The following P2RX1 variants were observed in gnomAD, a reference collection of about 807,000 sequenced individuals.
P2RX1 encodes purinergic receptor P2X 1, also known as P2X purinoceptor 1.
In P2RX1, 42 loss-of-function variants were observed where a neutral mutation model predicts 50.3. The observed-to-expected ratio is 0.83, with a 90% CI of 0.65 to 1.08. P2RX1 has a LOEUF of 1.08. Ranked by LOEUF, P2RX1 falls within the 50% of genes least tolerant of loss-of-function variation. P2RX1 has a pLI of 0.00. For synonymous variants in P2RX1, 199 were observed against 202.6 expected (o/e 0.98, Z 0.15); for missense variants, 449 against 529.0 (o/e 0.85, Z 1.48).
chr17:3,908,767 G>A (rs2056311961), intron 1 of P2RX1, among the ~76,000 whole-genome samples: 2 of 152,102 alleles, frequency 1.3e-5, no homozygotes. Flanking sequence ...CCCCATCCTG[G>A]GGCTCTCCAA....
chr17:3,910,346 T>G (rs1390470874), intron 1 of P2RX1, among the ~76,000 whole-genome samples: 1 of 152,170 alleles, frequency 6.6e-6, no homozygotes, highest in Non-Finnish European at 1.5e-5. Flanking sequence ...CCTGAACTCT[T>G]CATCTCCCTT....
Position 3,903,884 on chromosome 17 carries a change from G to T in P2RX1, c.524+44C>A. 1.3e-6 allele frequency: 2 copies of T among 1,506,796 alleles called. No homozygotes were observed. The highest frequency in any genetic ancestry group is 1.8e-6 in the Non-Finnish European group (2 of 1,082,082). 93.3% of individuals were successfully genotyped at this position (1,506,796 alleles called of 1,614,324 possible). On this transcript the variant is annotated intron_variant, in intron 5 of 11. Coordinates refer to ENST00000225538, the MANE Select transcript of P2RX1 (RefSeq NM_002558.4). This position sits in a 1 kb window ranked among gnomAD's most constrained non-coding sequence, Gnocchi z 4.6. ...CTAGACCTAGGCCCCCCTCTGTCTG[G>T]CCTGGGACCCTGTTCTTAGCTCTCT...
chr17:3,901,842 C>T lies in P2RX1; in HGVS notation c.747+1360G>A, dbSNP rs79323401. On this transcript the variant is annotated intron_variant, in intron 7 of 11. Transcript: ENST00000225538. Reference sequence around the variant, plus strand: ...TTCCCACGTGCCAGGCAGCGAGGCACGCCACGCACACCGCGTCAACTCACT... The same window carrying T: ...TTCCCACGTGCCAGGCAGCGAGGCATGCCACGCACACCGCGTCAACTCACT... Among the ~76,000 whole-genome samples, 936 of 152,272 alleles carry T rather than the reference C, an allele frequency of 6.1e-3. 10 individuals are homozygous for T. Among genetic ancestry groups the T allele is most frequent in the African/African-American group, 0.021 (873 of 41,558 alleles).
rs1314686948 is a variant in P2RX1, at chr17:3,914,105, T to G, written c.137+1984A>C. Among the ~76,000 whole-genome samples, 10 of 152,190 alleles carry G rather than the reference T, an allele frequency of 6.6e-5. No individual in the cohort carries two copies. On this transcript the variant is annotated intron_variant, in intron 1 of 11. Transcript: ENST00000225538. The surrounding 1 kb of genome is among the most constrained non-coding windows in gnomAD (Gnocchi z 4.1). Reference sequence around the variant, plus strand: ...GGGGGTTGCTGGTGATGACGGACTCTGCCTTCCTTCCACCCTCTGCTGTGT... The same window carrying G: ...GGGGGTTGCTGGTGATGACGGACTCGGCCTTCCTTCCACCCTCTGCTGTGT...
In P2RX1 at chr17:3,907,137, T is replaced by C. The variant is rs569540705; in HGVS notation, c.138-1770A>G. Reference sequence around the variant, plus strand: ...AGTTGAAAAATCTACTTCTGGACTTTTCAGTTACGTAAACCAATAAATGTC... The same window carrying C: ...AGTTGAAAAATCTACTTCTGGACTTCTCAGTTACGTAAACCAATAAATGTC... On this transcript the variant is annotated intron_variant, in intron 1 of 11. Coordinates refer to ENST00000225538, the MANE Select transcript of P2RX1 (RefSeq NM_002558.4). Among the ~76,000 whole-genome samples the C allele has an allele frequency of 1.9e-3, 292 of 152,334 alleles. 2 individuals carry two copies. Among genetic ancestry groups the C allele is most frequent in the South Asian group, 0.016 (76 of 4,826 alleles).
At position 3,897,682 on chromosome 17, in the gene P2RX1, T is replaced by C. The variant is rs1328477037; in HGVS notation, c.*132A>G. 1.2e-6 allele frequency: 1 copy of C among 801,940 alleles called. No individual in the cohort carries two copies. The highest frequency in any genetic ancestry group is 1.7e-5 in the African/African-American group (1 of 58,748). 49.7% of individuals were successfully genotyped at this position (801,940 alleles called of 1,614,324 possible). On this transcript the variant is annotated 3_prime_UTR_variant, in exon 12 of 12. Transcript: ENST00000225538. The stretch of plus-strand genomic sequence containing the variant: ...TCTCCTACTATGCACCCTGAGCTTC[T>C]GGCAAACTGCTCTCTGCCTGGCTGA...
rs1007637 is a variant in P2RX1 at position 3,914,315 on chromosome 17, G to A, written c.137+1774C>T. 0.2 allele frequency among the ~76,000 whole-genome samples: 30,440 copies of A among 151,736 alleles called. 3,462 individuals are homozygous for A. The highest frequency in any genetic ancestry group is 0.31 in the East Asian group (1,588 of 5,132). ...GAAGGGCCACATCCATTTGGAAACTGATTAGACAGTCTTGGGAGGGAAGAC... is the reference window on the plus strand; with the variant it reads ...GAAGGGCCACATCCATTTGGAAACTAATTAGACAGTCTTGGGAGGGAAGAC... On this transcript the variant is annotated intron_variant, in intron 1 of 11. Coordinates refer to ENST00000225538, the MANE Select transcript of P2RX1 (RefSeq NM_002558.4). The surrounding 1 kb of genome is among the most constrained non-coding windows in gnomAD (Gnocchi z 4.1).
chr17:3,901,257 CG>C (rs905343907), intron 7 of P2RX1, among the ~76,000 whole-genome samples: 2 of 152,228 alleles, frequency 1.3e-5, no homozygotes, highest in East Asian at 1.9e-4. Flanking sequence ...TTAGTAGAGA[CG>C]GGGTTTCACC....
At chr17:3,904,697 G>A (rs2056225986) in intron 3 of P2RX1, 161 bp downstream of exon 3, 3 of 664,218 alleles carry the variant, frequency 4.5e-6, no homozygotes, top group Non-Finnish European at 5.4e-6. Flanking sequence ...AGCTCTGCAA[G>A]GGTTGACAGT....
chr17:3,909,761 G>A (rs1483117890), intron 1 of P2RX1, among the ~76,000 whole-genome samples: 1 of 152,024 alleles, frequency 6.6e-6, no homozygotes, highest in African/African-American at 2.4e-5. Context: ...AAACACAAAA[G>A]TGAACAAAAC....
chr17:3,916,053 G>A (rs761401824), intron 1 of P2RX1, 36 bp downstream of exon 1: 21 of 1,612,094 alleles, frequency 1.3e-5, no homozygotes, highest in African/African-American at 2.7e-5. Flanking sequence ...CCCGGGGTAG[G>A]GGCTGGTGCA....
intron 4 of P2RX1, 70 bp downstream of exon 4, chr17:3,904,260 A>G: frequency 1.4e-6 from 2 of 1,452,698 alleles, no homozygotes; most frequent in South Asian, 2.3e-5. Context: ...GTCAGCACCA[A>G]GCTGGGCCTG....
rs138540810 is a variant in P2RX1, at chr17:3,903,505, C to T, written c.605+46G>A. The T allele has an allele frequency of 6.3e-3, 10,066 of 1,599,492 alleles. 70 individuals are homozygous for T. The highest frequency in any genetic ancestry group is 0.043 in the Middle Eastern group (258 of 6,032). ...CAGAGACAGCTGAGAGCTGCCGGAG[C>T]GGCCCCGGCCAGCTGCCTGCATTTC... On this transcript the variant is annotated intron_variant, in intron 6 of 11. Transcript: ENST00000225538. The surrounding 1 kb of genome is among the most constrained non-coding windows in gnomAD (Gnocchi z 4.6).
chr17:3,905,274 G>A lies in P2RX1; in HGVS notation c.231C>T (p.Leu77=). ...VKLKGLAVTQ[L]PGLGPQVWDV... is the part of the protein sequence containing the mutation. ...CCCAGACCTGGGGGCCGAGGCCAGG[G>A]AGCTGGGTCACGGCCAGGCCCTTGA... Residue 77 remains leucine (L), a synonymous_variant, in exon 2 of 12, where the codon CTC becomes CTT. Transcript: ENST00000225538. 1.2e-6 allele frequency: 2 copies of A among 1,613,940 alleles called. No individual in the cohort carries two copies.
At chr17:3,912,783 G>A (rs2056387191) in intron 1 of P2RX1, among the ~76,000 whole-genome samples, 1 of 152,196 alleles carries the variant, frequency 6.6e-6, no homozygotes, top group Non-Finnish European at 1.5e-5. Flanking sequence ...AGATGCTGCA[G>A]AAACGGTCCC....
chr17:3,900,918 C>A (rs2056126466), intron 7 of P2RX1, among the ~76,000 whole-genome samples: 1 of 152,064 alleles, frequency 6.6e-6, no homozygotes, highest in East Asian at 1.9e-4. Flanking sequence ...AAGCGAAGCT[C>A]CTCTGGGCGA....
intron 9 of P2RX1, 129 bp from the exon 10 acceptor site, chr17:3,898,678 G>T (rs1450844780): frequency 7.8e-6 from 6 of 771,452 alleles, no homozygotes; most frequent in South Asian, 4.4e-5. Context: ...CTCTACATGG[G>T]CCACCAGCTG....
In P2RX1 at chr17:3,904,863, C is replaced by A; in HGVS notation, c.352G>T (p.Ala118Ser). 1 of 1,593,972 alleles carries A rather than the reference C, an allele frequency of 6.3e-7. No homozygotes were observed. Among genetic ancestry groups the A allele is most frequent in the Non-Finnish European group, 8.5e-7 (1 of 1,171,350 alleles). ...TGGCGGGCAGAAGTCCTCACCTCTGCGCAGTAGCCTTGAGTCTGCTTCGGG... is the reference window on the plus strand; with the variant it reads ...TGGCGGGCAGAAGTCCTCACCTCTGAGCAGTAGCCTTGAGTCTGCTTCGGG... Reference protein sequence around the residue: ...VTPKQTQGYCAEHPEGGICKE... With the variant: ...VTPKQTQGYCSEHPEGGICKE... Residue 118 changes from alanine to serine, a missense_variant, in exon 3 of 12, where the codon GCA (alanine) becomes TCA (serine). By Grantham distance (99) the Ala-to-Ser change is moderately conservative (BLOSUM62 1). Transcript: ENST00000225538.
chr17:3,906,331 C>T (rs751924407), intron 1 of P2RX1, among the ~76,000 whole-genome samples: 27 of 152,134 alleles, frequency 1.8e-4, no homozygotes, highest in Non-Finnish European at 2.8e-4. Flanking sequence ...TGGGGTTTCA[C>T]CGTGTTGGCC....
Sources: allele counts gnomAD v4.1 joint callset (sites outside exome capture counted in the v4.1 genomes callset), GRCh38; gene constraint gnomAD v4.1.1; non-coding constraint Gnocchi (gnomAD v3.1); transcripts MANE v1.5; gene names NCBI Gene and HGNC (gene_info 2026-07-23, HGNC 2026-07-21).